The following GXYLT1 variants were observed in gnomAD, a reference collection of about 807,000 sequenced individuals.
GXYLT1 encodes glucoside xylosyltransferase 1, also known as glycosyltransferase 8 domain containing 3.
GXYLT1 carries 29 observed loss-of-function variants against 54.0 expected under a neutral mutation model. The observed-to-expected ratio is 0.54, with a 90% CI of 0.40 to 0.73. GXYLT1 has a LOEUF of 0.73. Among genes scored for constraint, GXYLT1 ranks in the 30% least tolerant of loss-of-function variants. The probability of loss-of-function intolerance (pLI) is 0.00; values close to 1 mark genes in which losing one functional copy is unlikely to be tolerated. For missense variants in GXYLT1, 490 were observed against 553.4 expected, an observed-to-expected ratio of 0.89 and a Z score of 1.15; for synonymous variants, 176 against 204.1, an observed-to-expected ratio of 0.86 and a Z score of 1.17.
rs543590112 is a variant in GXYLT1 at position 42,103,698 on chromosome 12, G to A, written c.864+2120C>T. On this transcript the variant is annotated intron_variant, in intron 5 of 7. Coordinates refer to ENST00000398675, the MANE Select transcript of GXYLT1 (RefSeq NM_173601.2). ...GTATGTTCCCAAGGAGCAAGAACAG[G>A]GTTGTTTGTAACACAGGAATAGTAG... 2.6e-5 allele frequency among the ~76,000 whole-genome samples: 4 copies of A among 152,082 alleles called. 1 individual carries two copies. The highest frequency in any genetic ancestry group is 9.7e-5 in the African/African-American group (4 of 41,394).
rs748722732 is a variant in GXYLT1 at position 42,085,944 on chromosome 12, T to C, written c.*1842A>G. On this transcript the variant is annotated 3_prime_UTR_variant, in exon 8 of 8. Coordinates refer to ENST00000398675, the MANE Select transcript of GXYLT1 (RefSeq NM_173601.2). ...TGAGTACCAATGCACTATTCTAGTTTTGTGTAATTTTTAAATTTCTTCATT... is the reference window on the plus strand; with the variant it reads ...TGAGTACCAATGCACTATTCTAGTTCTGTGTAATTTTTAAATTTCTTCATT... 12 of 152,200 alleles carry C rather than the reference T, an allele frequency of 7.9e-5. No homozygotes were observed. Among genetic ancestry groups the C allele is most frequent in the Non-Finnish European group, 1.8e-4 (12 of 68,034 alleles). 9.4% of individuals were successfully genotyped at this position (152,200 alleles called of 1,614,324 possible).
chr12:42,144,764 C>T lies in GXYLT1; in HGVS notation c.-118G>A. 3.1e-6 allele frequency: 2 copies of T among 643,436 alleles called. 1 individual carries two copies. The highest frequency in any genetic ancestry group is 4.5e-6 in the Non-Finnish European group (2 of 442,740). 39.9% of individuals were successfully genotyped at this position (643,436 alleles called of 1,614,324 possible). A position where few individuals can be genotyped will look rare whatever the true frequency, so the allele number is the denominator to read the frequency against. On this transcript the variant is annotated 5_prime_UTR_variant, in exon 1 of 8. Transcript: ENST00000398675. ...CAAGTTCCTCACCCGCAGCCGCCGC[C>T]GCCGCCTTGCGCCCGCTCCCTTCCT...
rs1011730022 is a variant in GXYLT1, at chr12:42,097,907, T to C, written c.988+3A>G. On this transcript the variant is annotated splice_donor_region_variant and intron_variant, in intron 6 of 7. Coordinates refer to ENST00000398675, the MANE Select transcript of GXYLT1 (RefSeq NM_173601.2). ...TGCAAATAAAAGGAATTTAAATAAT[T>C]ACCTGGATTATGAAAAAACACGATA... The C allele has an allele frequency of 1.9e-6, 3 of 1,573,596 alleles. No homozygotes were observed. Among genetic ancestry groups the C allele is most frequent in the Middle Eastern group, 1.7e-4 (1 of 5,976 alleles).
Position 42,087,889 on chromosome 12 carries a change from T to C in GXYLT1, c.1220A>G (p.Gln407Arg). ...TCCACAGTATGTATGCACTGTTTTT[T>C]GTAGTTCCAGTTCTAAAGGTTTTAA... Reference protein sequence around the residue: ...SLLKPLELELQKTVHTYCGKI... With the variant: ...SLLKPLELELRKTVHTYCGKI... The change falls in exon 8 of 8, where the codon CAA (glutamine) becomes CGA (arginine). Residue 407 changes from glutamine (Q) to arginine (R), a missense_variant. This residue lies in a region of GXYLT1 where 342 missense variants were observed against 342.6 expected (regional missense o/e 1.00). Coordinates refer to ENST00000398675, the MANE Select transcript of GXYLT1 (RefSeq NM_173601.2). The C allele has an allele frequency of 6.3e-7, 1 of 1,592,912 alleles. No individual in the cohort carries two copies. Among genetic ancestry groups the C allele is most frequent in the Non-Finnish European group, 8.6e-7 (1 of 1,165,546 alleles).
chr12:42,143,010 T>G (rs2065660537), intron 1 of GXYLT1, among the ~76,000 whole-genome samples: 1 of 152,198 alleles, frequency 6.6e-6, no homozygotes, highest in Non-Finnish European at 1.5e-5. Flanking sequence ...TATTGGATGT[T>G]TATTAAAACT....
Position 42,087,719 on chromosome 12 carries a change from GAC to G in GXYLT1, c.*65_*66del. 2 of 1,177,872 alleles carry G rather than the reference GAC, an allele frequency of 1.7e-6. No individual in the cohort carries two copies. The highest frequency in any genetic ancestry group is 2.4e-6 in the Non-Finnish European group (2 of 841,118). The allele number at this position is 1,177,872 out of a possible 1,614,324, so 73.0% of individuals were successfully genotyped here. The stretch of plus-strand genomic sequence containing the variant: ...ATTCCTTCCTGAATACTTCATCCAA[GAC>G]GATTCCTTCACACTTATCTTCTGAT... On this transcript the variant is annotated 3_prime_UTR_variant, in exon 8 of 8. Transcript: ENST00000398675.
chr12:42,095,030 T>G (rs2065348020), intron 7 of GXYLT1, among the ~76,000 whole-genome samples: 1 of 152,126 alleles, frequency 6.6e-6, no homozygotes, highest in Admixed American at 6.5e-5. Context: ...GATATAAAAA[T>G]ATTTCATAAA....
At chr12:42,096,821 A>G (rs1179242839) in intron 7 of GXYLT1, among the ~76,000 whole-genome samples, 1 of 152,176 alleles carries the variant, frequency 6.6e-6, no homozygotes, top group Non-Finnish European at 1.5e-5. Flanking sequence ...CTGACTGATC[A>G]AAATCAACAT....
chr12:42,128,369 A>G lies in GXYLT1; in HGVS notation c.314+1390T>C, dbSNP rs1030139959. Among the ~76,000 whole-genome samples, 4 of 152,218 alleles carry G rather than the reference A, an allele frequency of 2.6e-5. No individual in the cohort carries two copies. The South Asian group carries it at 8.3e-4, about 32-fold the overall frequency. Reference sequence around the variant, plus strand: ...ACATCGCTTTATGCCCCATAAATACATAGAATTATTGTCAATTAAAAATAA... The same window carrying G: ...ACATCGCTTTATGCCCCATAAATACGTAGAATTATTGTCAATTAAAAATAA... On this transcript the variant is annotated intron_variant, in intron 2 of 7. Coordinates refer to ENST00000398675, the MANE Select transcript of GXYLT1 (RefSeq NM_173601.2).
At chr12:42,111,666 G>C (rs1402657928) in intron 3 of GXYLT1, among the ~76,000 whole-genome samples, 1 of 152,238 alleles carries the variant, frequency 6.6e-6, no homozygotes, top group Non-Finnish European at 1.5e-5. Context: ...GCCCACCACA[G>C]CTCAAGGAGG....
intron 2 of GXYLT1, among the ~76,000 whole-genome samples, chr12:42,122,406 A>G (rs576464740): frequency 6.6e-6 from 1 of 152,188 alleles, no homozygotes. Context: ...GCTGGCCAAC[A>G]TGGCGAAACC....
rs558323666 is a variant in GXYLT1 at position 42,129,741 on chromosome 12, T to C, written c.314+18A>G. 2 of 1,541,700 alleles carry C rather than the reference T, an allele frequency of 1.3e-6. No homozygotes were observed. The highest frequency in any genetic ancestry group is 2.7e-5 in the African/African-American group (2 of 73,468). Reference sequence around the variant, plus strand: ...ACCTTATCTACACTGATCTACCAATTAAATATTAAGTGCCTACCTAAAAGC... The same window carrying C: ...ACCTTATCTACACTGATCTACCAATCAAATATTAAGTGCCTACCTAAAAGC... On this transcript the variant is annotated intron_variant, in intron 2 of 7. Transcript: ENST00000398675.
At chr12:42,105,134 T>A (rs1242711771) in intron 5 of GXYLT1, among the ~76,000 whole-genome samples, 1 of 152,202 alleles carries the variant, frequency 6.6e-6, no homozygotes, top group East Asian at 1.9e-4. Context: ...GCAAGCAAAC[T>A]ACAGTGACTT....
Position 42,084,307 on chromosome 12 carries a change from T to A in GXYLT1, c.*3479A>T, listed in dbSNP as rs2065273252. ...TTTCCTCACCCCTTTTCTCACTTCC[T>A]CTCTTTTCCTTCTTTTTTGATTTAG... On this transcript the variant is annotated 3_prime_UTR_variant, in exon 8 of 8. Coordinates refer to ENST00000398675, the MANE Select transcript of GXYLT1 (RefSeq NM_173601.2). 1 of 152,418 alleles carries A rather than the reference T, an allele frequency of 6.6e-6. No individual in the cohort carries two copies. Among genetic ancestry groups the A allele is most frequent in the Non-Finnish European group, 1.5e-5 (1 of 68,120 alleles). 9.4% of individuals were successfully genotyped at this position (152,418 alleles called of 1,614,324 possible).
Position 42,097,944 on chromosome 12 carries a change from T to C in GXYLT1, c.954A>G (p.Gln318=), listed in dbSNP as rs1158006635. ...GAAAAAACACGATATTCAATAGATC[T>C]TGATCACCCCATGTGATGTTTAGTT... ...KYKLNITWGD[Q]DLLNIVFFHN... Residue 318 remains glutamine, a synonymous_variant, in exon 6 of 8, where the codon CAA becomes CAG. Transcript: ENST00000398675. 3 of 1,601,830 alleles carry C rather than the reference T, an allele frequency of 1.9e-6. No homozygotes were observed. In the African/African-American group the frequency reaches 4.0e-5, roughly 21 times the overall value.
At chr12:42,099,449 C>T (rs866009640) in intron 5 of GXYLT1, among the ~76,000 whole-genome samples, 6 of 152,112 alleles carry the variant, frequency 3.9e-5, no homozygotes, top group African/African-American at 9.7e-5. Flanking sequence ...AAATATGTCA[C>T]GCAAATAATA....
chr12:42,131,593 C>T (rs990754863), intron 1 of GXYLT1, among the ~76,000 whole-genome samples: 1 of 152,192 alleles, frequency 6.6e-6, no homozygotes, highest in Non-Finnish European at 1.5e-5. Flanking sequence ...TAAAGGGACA[C>T]CACATTCTAG....
chr12:42,126,971 T>A (rs1485624854), intron 2 of GXYLT1, among the ~76,000 whole-genome samples: 1 of 152,112 alleles, frequency 6.6e-6, no homozygotes, highest in East Asian at 1.9e-4. Context: ...AAAACACTTG[T>A]AATAGGAGTT....
At chr12:42,142,254 T>C (rs74078176) in intron 1 of GXYLT1, among the ~76,000 whole-genome samples, 3,628 of 152,242 alleles carry the variant, frequency 0.024, 137 homozygotes, top group African/African-American at 0.083. Context: ...CAACACTGAT[T>C]TGCTTTGGAT....
Sources: allele counts gnomAD v4.1 joint callset (sites outside exome capture counted in the v4.1 genomes callset), GRCh38; gene constraint gnomAD v4.1.1; regional missense constraint gnomAD v4.1.1; transcripts MANE v1.5; gene names NCBI Gene and HGNC (gene_info 2026-07-23, HGNC 2026-07-21).